Variants in HECW1 observed in about 807,000 individuals in gnomAD.
The protein encoded by HECW1 is E3 ubiquitin-protein ligase HECW1.
Under a neutral mutation model 182.3 loss-of-function variants are expected in HECW1, and 61 were observed. That is an observed-to-expected ratio of 0.33 (90% CI 0.27 to 0.41). HECW1 has a LOEUF of 0.41. Among genes scored for constraint, HECW1 ranks in the 10% least tolerant of loss-of-function variants. HECW1 has a pLI of 1.00. For synonymous variants in HECW1, 859 were observed against 832.6 expected, an observed-to-expected ratio of 1.03 and a Z score of -0.55; for missense variants, 1,739 against 2,108.9, an observed-to-expected ratio of 0.82 and a Z score of 3.44.
chr7:43,286,916 A>G (rs1401465487), intron 3 of HECW1, among the ~76,000 whole-genome samples: 2 of 152,180 alleles, frequency 1.3e-5, no homozygotes, highest in Non-Finnish European at 2.9e-5. Context: ...AGATTTGAAG[A>G]ATTTGCATAC....
At chr7:43,411,754 T>C (rs1219517614) in intron 8 of HECW1, among the ~76,000 whole-genome samples, 1 of 152,214 alleles carries the variant, frequency 6.6e-6, no homozygotes, top group Non-Finnish European at 1.5e-5. Flanking sequence ...TCTTGAAGGC[T>C]GTTTTATCAC....
chr7:43,310,528 C>G (rs79147429), intron 3 of HECW1, among the ~76,000 whole-genome samples: 10,598 of 152,260 alleles, frequency 0.07, 473 homozygotes, highest in Middle Eastern at 0.13. Flanking sequence ...ACAGGAGACA[C>G]AGATGAGTGA....
chr7:43,457,591 G>A (rs1389148518), intron 13 of HECW1, among the ~76,000 whole-genome samples: 1 of 152,008 alleles, frequency 6.6e-6, no homozygotes, highest in East Asian at 1.9e-4. Flanking sequence ...TGGCCAACAT[G>A]GTAAAACTCT....
chr7:43,215,870 T>C (rs1796397056), intron 2 of HECW1, among the ~76,000 whole-genome samples: 1 of 152,178 alleles, frequency 6.6e-6, no homozygotes, highest in Admixed American at 6.5e-5. Flanking sequence ...CCTCTCTCTG[T>C]AGCTTTGTTC....
chr7:43,468,695 A>G (rs2077890904), intron 15 of HECW1, among the ~76,000 whole-genome samples: 1 of 151,884 alleles, frequency 6.6e-6, no homozygotes, highest in South Asian at 2.1e-4. Flanking sequence ...TAATTTTTTA[A>G]ATTTTTTGTA....
intron 3 of HECW1, among the ~76,000 whole-genome samples, chr7:43,265,618 T>C (rs921845411): frequency 1.3e-5 from 2 of 152,186 alleles, no homozygotes; most frequent in Non-Finnish European, 2.9e-5. Flanking sequence ...AAACATCTGG[T>C]CTTCCACACT....
chr7:43,565,041 G>T lies in HECW1; in HGVS notation c.*3115G>T, dbSNP rs1207606987. 5.2e-6 allele frequency: 1 copy of T among 190,832 alleles called. No individual in the cohort carries two copies. Among genetic ancestry groups the T allele is most frequent in the East Asian group, 8.3e-5 (1 of 12,000 alleles). 11.8% of individuals were successfully genotyped at this position (190,832 alleles called of 1,614,324 possible). On this transcript the variant is annotated 3_prime_UTR_variant, in exon 30 of 30. Coordinates refer to ENST00000395891, the MANE Select transcript of HECW1 (RefSeq NM_015052.5). Reference sequence around the variant, plus strand: ...GAACAATAAATAAGAGAAGATTTATGTTACAACTTTGAAAAATGCTTTTAA... The same window carrying T: ...GAACAATAAATAAGAGAAGATTTATTTTACAACTTTGAAAAATGCTTTTAA...
Position 43,432,641 on chromosome 7 carries a change from C to T in HECW1, c.802-5362C>T, listed in dbSNP as rs2076590627. Reference sequence around the variant, plus strand: ...AGCACAGAAGGGTGGTAGCTGTGTCCCAGCACCCAGCTCACAGCCAGTGCC... The same window carrying T: ...AGCACAGAAGGGTGGTAGCTGTGTCTCAGCACCCAGCTCACAGCCAGTGCC... On this transcript the variant is annotated intron_variant, in intron 8 of 29. Transcript: ENST00000395891. The surrounding 1 kb of genome is among the most constrained non-coding windows in gnomAD (Gnocchi z 4.1). Among the ~76,000 whole-genome samples the T allele has an allele frequency of 6.6e-6, 1 of 152,096 alleles. No individual in the cohort carries two copies. The highest frequency in any genetic ancestry group is 1.5e-5 in the Non-Finnish European group (1 of 68,018).
chr7:43,343,253 T>A (rs912900027), intron 5 of HECW1, among the ~76,000 whole-genome samples: 1 of 137,636 alleles, frequency 7.3e-6, no homozygotes, highest in African/African-American at 2.7e-5. Context: ...CTGCAATGTC[T>A]GGGCAACAGT....
At chr7:43,118,871 C>T (rs1441240834) in intron 2 of HECW1, 1 of 152,096 alleles carries the variant, frequency 6.6e-6, no homozygotes, top group Non-Finnish European at 1.5e-5. Context: ...ACAAATGGTA[C>T]TGTGATGTAT....
chr7:43,280,995 C>T (rs10231619), intron 3 of HECW1, among the ~76,000 whole-genome samples: 48,072 of 142,302 alleles, frequency 0.34, 10,944 homozygotes, highest in African/African-American at 0.69. Flanking sequence ...GGGGCTGTTT[C>T]TCCCCCCATG....
At chr7:43,530,516 GA>G (rs2080940763) in intron 24 of HECW1, among the ~76,000 whole-genome samples, 1 of 148,688 alleles carries the variant, frequency 6.7e-6, no homozygotes. Flanking sequence ...TGGATGGATG[GA>G]TGGATGGATG....
At chr7:43,252,538 T>C (rs900545553) in intron 3 of HECW1, among the ~76,000 whole-genome samples, 2 of 152,246 alleles carry the variant, frequency 1.3e-5, no homozygotes, top group Non-Finnish European at 2.9e-5. Context: ...GCTTATACCA[T>C]GGCCCAAGCC....
chr7:43,532,969 A>G (rs79472827), intron 24 of HECW1, among the ~76,000 whole-genome samples: 5,936 of 152,250 alleles, frequency 0.039, 361 homozygotes, highest in African/African-American at 0.13. Flanking sequence ...CAAGTTAGAA[A>G]GGAGTATATC....
intron 2 of HECW1, among the ~76,000 whole-genome samples, chr7:43,232,183 A>C (rs80096274): frequency 5.3e-5 from 8 of 152,192 alleles, no homozygotes; most frequent in African/African-American, 1.9e-4. Context: ...TGATTGGGAT[A>C]GTTTGAATGG....
At chr7:43,179,667 T>A (rs184817588) in intron 2 of HECW1, among the ~76,000 whole-genome samples, 1 of 152,308 alleles carries the variant, frequency 6.6e-6, no homozygotes, top group African/African-American at 2.4e-5. Flanking sequence ...AGAAGTGTTT[T>A]AAATATATTT....
At chr7:43,189,605 AAGAG>A (rs201003324) in intron 2 of HECW1, among the ~76,000 whole-genome samples, 144 of 152,048 alleles carry the variant, frequency 9.5e-4, no homozygotes, top group African/African-American at 3.3e-3. Flanking sequence ...AAAAAAAAGA[AAGAG>A]AGAAAACTTG....
At chr7:43,482,141 T>C (rs1318755573) in intron 17 of HECW1, among the ~76,000 whole-genome samples, 1 of 152,132 alleles carries the variant, frequency 6.6e-6, no homozygotes, top group African/African-American at 2.4e-5. Flanking sequence ...TTCTGGTAGC[T>C]TTTGGCTGAC....
intron 6 of HECW1, among the ~76,000 whole-genome samples, chr7:43,371,544 A>G (rs889089246): frequency 1.3e-5 from 2 of 152,128 alleles, no homozygotes; most frequent in Non-Finnish European, 2.9e-5. Flanking sequence ...GGATGATAAG[A>G]GAGTGAAAGA....
Sources: allele counts gnomAD v4.1 joint callset (sites outside exome capture counted in the v4.1 genomes callset), GRCh38; gene constraint gnomAD v4.1.1; non-coding constraint Gnocchi (gnomAD v3.1); transcripts MANE v1.5; gene names NCBI Gene and HGNC (gene_info 2026-07-23, HGNC 2026-07-21).